Variants in AP1M1 observed in about 807,000 individuals in gnomAD.
AP1M1 encodes AP-1 complex subunit mu-1.
AP1M1 carries 18 observed loss-of-function variants against 57.1 expected under a neutral mutation model. The ratio of observed to expected loss-of-function variants is 0.32; its 90% CI spans 0.22 to 0.47. The LOEUF is 0.47. Ranked by LOEUF, AP1M1 falls within the 20% of genes least tolerant of loss-of-function variation. The probability of loss-of-function intolerance (pLI) is 1.00; values close to 1 mark genes in which losing one functional copy is unlikely to be tolerated. For missense variants in AP1M1, 362 were observed against 593.5 expected, an observed-to-expected ratio of 0.61 and a Z score of 4.05; for synonymous variants, 241 against 237.9, an observed-to-expected ratio of 1.01 and a Z score of -0.12.
chr19:16,232,660 G>A (rs285279), intron 9 of AP1M1, among the ~76,000 whole-genome samples: 4,964 of 152,324 alleles, frequency 0.033, 280 homozygotes, highest in African/African-American at 0.11. Flanking sequence ...TGAACCACTC[G>A]GCCCTGCCCC....
chr19:16,225,161 C>G (rs887021480), intron 5 of AP1M1, among the ~76,000 whole-genome samples: 1 of 152,218 alleles, frequency 6.6e-6, no homozygotes, highest in Admixed American at 6.5e-5. Context: ...CTCAGTTTTC[C>G]CAATTCCCTC....
chr19:16,231,107 T>C (rs2091594144), intron 9 of AP1M1, among the ~76,000 whole-genome samples: 1 of 151,714 alleles, frequency 6.6e-6, no homozygotes, highest in Admixed American at 6.6e-5. Context: ...GCTAACATGG[T>C]GAAACCCCGT....
Position 16,245,801 on chromosome 19 carries a change from T to C in AP1M1, c.*11366T>C, listed in dbSNP as rs1176413215. 6.6e-6 allele frequency: 1 copy of C among 152,216 alleles called. No homozygotes were observed. The highest frequency in any genetic ancestry group is 2.4e-5 in the African/African-American group (1 of 41,462). 9.4% of individuals were successfully genotyped at this position (152,216 alleles called of 1,614,324 possible). On this transcript the variant is annotated 3_prime_UTR_variant, in exon 12 of 12. Coordinates refer to ENST00000291439, the MANE Select transcript of AP1M1 (RefSeq NM_032493.4). ...CTCTTTTATGTCCTCTCTGGATTTA[T>C]TACAGATTGTTTGTGGCTTTTAAAA...
chr19:16,209,684 C>T lies in AP1M1; in HGVS notation c.546+507C>T, dbSNP rs550288231. ...AGATTAGGATTTATTCACCGTCACC[C>T]TCTCGGGCCTCATTCTGTAGACAGA... On this transcript the variant is annotated intron_variant, in intron 5 of 11. Transcript: ENST00000291439. 2.0e-5 allele frequency among the ~76,000 whole-genome samples: 3 copies of T among 152,016 alleles called. No homozygotes were observed. The East Asian group carries it at 5.8e-4, about 29-fold the overall frequency.
At chr19:16,218,270 T>C (rs1383216777) in intron 5 of AP1M1, among the ~76,000 whole-genome samples, 2 of 152,222 alleles carry the variant, frequency 1.3e-5, no homozygotes, top group Non-Finnish European at 2.9e-5. Context: ...TTGAGTTCTT[T>C]CCTGGCTGAA....
chr19:16,225,026 G>A (rs962756307), intron 5 of AP1M1, among the ~76,000 whole-genome samples: 3 of 152,108 alleles, frequency 2.0e-5, no homozygotes, highest in Non-Finnish European at 4.4e-5. Context: ...ATGGGATCAG[G>A]GAGCCGCTTG....
At chr19:16,209,304 T>C (rs867796915) in intron 5 of AP1M1, 127 bp downstream of exon 5, 8 of 1,056,312 alleles carry the variant, frequency 7.6e-6, no homozygotes, top group Middle Eastern at 2.3e-4. Flanking sequence ...AGGATTCAGT[T>C]TGGGCCACTC....
intron 9 of AP1M1, among the ~76,000 whole-genome samples, chr19:16,229,376 C>T (rs1384739592): frequency 6.6e-6 from 1 of 152,246 alleles, no homozygotes; most frequent in Non-Finnish European, 1.5e-5. Flanking sequence ...CCGCACCAGC[C>T]GCCCATGTCC....
At chr19:16,221,820 G>A (rs1445185717) in intron 5 of AP1M1, among the ~76,000 whole-genome samples, 1 of 152,188 alleles carries the variant, frequency 6.6e-6, no homozygotes, top group Non-Finnish European at 1.5e-5. Context: ...CCGAGTAGCT[G>A]GGATTACAGG....
chr19:16,204,197 G>A (rs1359717755), intron 2 of AP1M1, among the ~76,000 whole-genome samples: 1 of 152,096 alleles, frequency 6.6e-6, no homozygotes, highest in Non-Finnish European at 1.5e-5. Flanking sequence ...CAGGTGGGAG[G>A]GGAAGTGGCC....
intron 9 of AP1M1, among the ~76,000 whole-genome samples, chr19:16,232,819 C>G (rs967613831): frequency 6.6e-6 from 1 of 152,164 alleles, no homozygotes; most frequent in East Asian, 1.9e-4. Context: ...CTGCTCAGGG[C>G]GAGACCAGGC....
At chr19:16,209,361 C>G in intron 5 of AP1M1, 184 bp downstream of exon 5, 1 of 608,612 alleles carries the variant, frequency 1.6e-6, no homozygotes, top group Non-Finnish European at 2.7e-6. Flanking sequence ...GACGGAATCT[C>G]ATTCTGTCGC....
intron 5 of AP1M1, among the ~76,000 whole-genome samples, chr19:16,212,630 C>G (rs1175450687): frequency 6.6e-6 from 1 of 152,116 alleles, no homozygotes; most frequent in African/African-American, 2.4e-5. Context: ...TATTTCTTGT[C>G]TTCTGCTAGC....
Position 16,241,275 on chromosome 19 carries a change from T to C in AP1M1, c.*6840T>C, listed in dbSNP as rs1164276122. 6.7e-6 allele frequency: 1 copy of C among 150,156 alleles called. No individual in the cohort carries two copies. The highest frequency in any genetic ancestry group is 1.5e-5 in the Non-Finnish European group (1 of 67,720). The allele number at this position is 150,156 out of a possible 1,614,324, so 9.3% of individuals were successfully genotyped here. ...TTGCAGTGAGCCGAGATCGCGCCAC[T>C]GTACTCCAGCTTGGGCAAAGTGAGA... On this transcript the variant is annotated 3_prime_UTR_variant, in exon 12 of 12. Coordinates refer to ENST00000291439, the MANE Select transcript of AP1M1 (RefSeq NM_032493.4).
Position 16,209,154 on chromosome 19 carries a change from G to A in AP1M1, c.523G>A (p.Val175Ile). Residue 175 changes from valine (V) to isoleucine (I), a missense_variant, in exon 5 of 12, where the codon GTC becomes ATC. Transcript: ENST00000291439. ...KYRKNEVFLD[V>I]IESVNLLVSA... Reference sequence around the variant, plus strand: ...TCGGAAGAATGAGGTGTTCTTGGACGTCATCGAGTCTGTCAACCTCTTGGT... The same window carrying A: ...TCGGAAGAATGAGGTGTTCTTGGACATCATCGAGTCTGTCAACCTCTTGGT... The A allele has an allele frequency of 6.2e-7, 1 of 1,614,198 alleles. No homozygotes were observed. Among genetic ancestry groups the A allele is most frequent in the Non-Finnish European group, 8.5e-7 (1 of 1,180,014 alleles).
chr19:16,227,138 C>T lies in AP1M1; in HGVS notation c.674-410C>T, dbSNP rs571578956. Among the ~76,000 whole-genome samples, 2 of 152,198 alleles carry T rather than the reference C, an allele frequency of 1.3e-5. No individual in the cohort carries two copies. The highest frequency in any genetic ancestry group is 4.1e-4 in the South Asian group (2 of 4,822). On this transcript the variant is annotated intron_variant, in intron 6 of 11. Coordinates refer to ENST00000291439, the MANE Select transcript of AP1M1 (RefSeq NM_032493.4). The surrounding 1 kb of genome is among the most constrained non-coding windows in gnomAD (Gnocchi z 6.2). ...GCTCCCCGCCTGGGGCTGGGCAGGG[C>T]CCCACCCACATAGCCCTCAGTGAGG...
chr19:16,243,001 C>G lies in AP1M1; in HGVS notation c.*8566C>G, dbSNP rs1161357257. 2.0e-5 allele frequency: 3 copies of G among 151,888 alleles called. No individual in the cohort carries two copies. The highest frequency in any genetic ancestry group is 4.8e-5 in the African/African-American group (2 of 41,350). 9.4% of individuals were successfully genotyped at this position (151,888 alleles called of 1,614,324 possible). ...TGGCCAGGCTGGTCTTGAACCCTGA[C>G]CTCAGGTGATCCACCCCCACTGGCC... On this transcript the variant is annotated 3_prime_UTR_variant, in exon 12 of 12. Transcript: ENST00000291439.
chr19:16,212,630 C>A (rs1175450687), intron 5 of AP1M1, among the ~76,000 whole-genome samples: 1 of 152,116 alleles, frequency 6.6e-6, no homozygotes, highest in Non-Finnish European at 1.5e-5. Flanking sequence ...TATTTCTTGT[C>A]TTCTGCTAGC....
intron 11 of AP1M1, 45 bp downstream of exon 11, chr19:16,234,319 C>A (rs1055301875): frequency 6.2e-7 from 1 of 1,612,780 alleles, no homozygotes; most frequent in Non-Finnish European, 8.5e-7. Flanking sequence ...CTGAGGGGTC[C>A]TCTGTGGCTG....
Sources: allele counts gnomAD v4.1 joint callset (sites outside exome capture counted in the v4.1 genomes callset), GRCh38; gene constraint gnomAD v4.1.1; non-coding constraint Gnocchi (gnomAD v3.1); transcripts MANE v1.5; gene names NCBI Gene and HGNC (gene_info 2026-07-23, HGNC 2026-07-21).